SNX29: variants seen among roughly 807,000 people sequenced by gnomAD.
The protein encoded by SNX29 is sorting nexin 29, also known as sorting nexin-29.
A neutral mutation model predicts 102.1 loss-of-function variants in SNX29; 78 were observed. The observed-to-expected ratio is 0.76, with a 90% CI of 0.64 to 0.92. The LOEUF is 0.92. SNX29 is among the 40% of genes least tolerant of loss of function. The pLI, the probability that SNX29 is intolerant of heterozygous loss-of-function variation, is 0.00. For missense variants in SNX29, 1,280 were observed against 1,061.7 expected, an observed-to-expected ratio of 1.21 and a Z score of -2.86; for synonymous variants, 580 against 414.5, an observed-to-expected ratio of 1.40 and a Z score of -4.85.
At chr16:11,985,143 A>G (rs1300679788) in intron 1 of SNX29, among the ~76,000 whole-genome samples, 1 of 151,414 alleles carries the variant, frequency 6.6e-6, no homozygotes, top group Non-Finnish European at 1.5e-5. Flanking sequence ...AATTGATTTG[A>G]TTTTTTCCAA....
In SNX29 at chr16:12,318,242, A is replaced by G. The variant is rs567239683; in HGVS notation, c.1783-37921A>G. Among the ~76,000 whole-genome samples the G allele has an allele frequency of 2.0e-5, 3 of 152,300 alleles. No homozygotes were observed. In the East Asian group the frequency reaches 5.8e-4, roughly 29 times the overall value. ...AGCCTGCATGTTCTTGCTAGATTTT[A>G]CAGCCAGCAGGCCTTTGTTGAACCG... On this transcript the variant is annotated intron_variant, in intron 15 of 20. Transcript: ENST00000566228.
chr16:12,046,715 G>A (rs1179618033), intron 6 of SNX29, among the ~76,000 whole-genome samples: 1 of 152,216 alleles, frequency 6.6e-6, no homozygotes, highest in African/African-American at 2.4e-5. Context: ...CGCCTCCTGG[G>A]TTCAAGTCAT....
At chr16:12,449,830 CAG>C (rs987911707) in intron 18 of SNX29, among the ~76,000 whole-genome samples, 29 of 152,180 alleles carry the variant, frequency 1.9e-4, no homozygotes, top group African/African-American at 5.6e-4. Context: ...ATGGTGGTGA[CAG>C]GGGCAGACAA....
At chr16:12,563,619 GAGAC>G (rs1567211241) in intron 20 of SNX29, among the ~76,000 whole-genome samples, 2 of 84,242 alleles carry the variant, frequency 2.4e-5, no homozygotes, top group African/African-American at 6.2e-5. Flanking sequence ...TCTCACAGAC[GAGAC>G]TGTCCTGGCC....
At chr16:12,090,055 G>A (rs1201669502) in intron 11 of SNX29, 1 of 156,382 alleles carries the variant, frequency 6.4e-6, no homozygotes, top group East Asian at 1.9e-4. Flanking sequence ...GAGTTCTGGA[G>A]CCAGGATGCG....
intron 14 of SNX29, among the ~76,000 whole-genome samples, chr16:12,248,428 C>G (rs1705835521): frequency 6.6e-6 from 1 of 150,870 alleles, no homozygotes; most frequent in Non-Finnish European, 1.5e-5. Flanking sequence ...GACAGTCTCA[C>G]TCTATCACCC....
intron 14 of SNX29, among the ~76,000 whole-genome samples, chr16:12,255,198 A>AT (rs1401645697): frequency 6.6e-6 from 1 of 151,960 alleles, no homozygotes; most frequent in African/African-American, 2.4e-5. Context: ...ACAATCCTGT[A>AT]TTTTTTTATT....
chr16:12,099,896 G>A (rs1022890256), intron 11 of SNX29, among the ~76,000 whole-genome samples: 6 of 152,138 alleles, frequency 3.9e-5, no homozygotes, highest in African/African-American at 1.4e-4. Context: ...TCCTGTGAGC[G>A]CTAGGCATGA....
At chr16:12,519,182 G>A (rs1641831) in intron 19 of SNX29, among the ~76,000 whole-genome samples, 88,380 of 152,058 alleles carry the variant, frequency 0.58, 28,749 homozygotes, top group African/African-American at 0.86. Flanking sequence ...TAATGTTTCA[G>A]AACATTGCTC....
intron 18 of SNX29, among the ~76,000 whole-genome samples, chr16:12,442,581 G>GTT (rs1203275110): frequency 2.0e-5 from 3 of 149,368 alleles, no homozygotes; most frequent in African/African-American, 7.3e-5. Context: ...GTGACTGTGT[G>GTT]TTTTTTTGTT....
At chr16:12,168,299 A>ACT (rs1425155274) in intron 13 of SNX29, among the ~76,000 whole-genome samples, 2 of 152,180 alleles carry the variant, frequency 1.3e-5, no homozygotes, top group African/African-American at 2.4e-5. Context: ...GGGGAAGGAA[A>ACT]GGATGTGCAA....
At chr16:12,074,134 C>T (rs1336110906) in intron 10 of SNX29, among the ~76,000 whole-genome samples, 1 of 150,428 alleles carries the variant, frequency 6.6e-6, no homozygotes, top group Non-Finnish European at 1.5e-5. Flanking sequence ...ATTTGCCAGT[C>T]TGTGTCTTTT....
intron 14 of SNX29, among the ~76,000 whole-genome samples, chr16:12,230,694 A>G (rs1254600799): frequency 6.6e-6 from 1 of 152,182 alleles, no homozygotes; most frequent in Non-Finnish European, 1.5e-5. Context: ...TGGGGGGAAA[A>G]TAGGGAAACC....
At chr16:12,127,224 A>G (rs975946885) in intron 12 of SNX29, among the ~76,000 whole-genome samples, 2 of 150,622 alleles carry the variant, frequency 1.3e-5, no homozygotes, top group African/African-American at 4.9e-5. Flanking sequence ...ACGCCATTGC[A>G]CTCCAGCCTG....
At chr16:12,521,976 C>T (rs1190243256) in intron 19 of SNX29, among the ~76,000 whole-genome samples, 1 of 152,184 alleles carries the variant, frequency 6.6e-6, no homozygotes, top group Non-Finnish European at 1.5e-5. Context: ...TGCCACCCCT[C>T]TGGAGGAAGG....
chr16:12,314,678 T>A (rs1353956922), intron 15 of SNX29, among the ~76,000 whole-genome samples: 1 of 152,270 alleles, frequency 6.6e-6, no homozygotes, highest in Non-Finnish European at 1.5e-5. Context: ...CAACTGAGGT[T>A]CTTTGATTCT....
At chr16:12,019,589 T>TAG (rs34604692) in intron 3 of SNX29, among the ~76,000 whole-genome samples, 45,155 of 144,892 alleles carry the variant, frequency 0.31, 7,369 homozygotes, top group Non-Finnish European at 0.35. Flanking sequence ...TAAATATATA[T>TAG]ATATAGATAG....
chr16:12,371,150 C>T (rs1046038522), intron 16 of SNX29, among the ~76,000 whole-genome samples: 1 of 152,188 alleles, frequency 6.6e-6, no homozygotes, highest in Non-Finnish European at 1.5e-5. Flanking sequence ...GGGGATGCAA[C>T]TGATGTTGCC....
chr16:12,307,185 G>T (rs2080364002), intron 15 of SNX29, among the ~76,000 whole-genome samples: 1 of 152,158 alleles, frequency 6.6e-6, no homozygotes, highest in Non-Finnish European at 1.5e-5. Flanking sequence ...AAAGAGTTGA[G>T]TTGAAATTCT....
Sources: gnomAD v4.1 joint callset for allele counts (sites outside exome capture counted in the v4.1 genomes callset) on GRCh38, gnomAD v4.1.1 for gene constraint, MANE v1.5 for transcripts, NCBI Gene and HGNC (gene_info 2026-07-23, HGNC 2026-07-21) for gene names.